The following DLC1 variants were observed in gnomAD, a reference collection of about 807,000 sequenced individuals.
The protein encoded by DLC1 is DLC1 Rho GTPase activating protein, also known as rho GTPase-activating protein 7.
A neutral mutation model predicts 140.3 loss-of-function variants in DLC1; 54 were observed. The observed-to-expected ratio is 0.38, with a 90% CI of 0.31 to 0.48. The LOEUF (loss-of-function observed/expected upper bound fraction) is 0.48, where lower values mean the gene tolerates loss of function less well. Ranked by LOEUF, DLC1 falls within the 20% of genes least tolerant of loss-of-function variation. The pLI is 0.96. For synonymous variants in DLC1, 986 were observed against 728.1 expected, an observed-to-expected ratio of 1.35 and a Z score of -5.70; for missense variants, 2,536 against 1,907.0, an observed-to-expected ratio of 1.33 and a Z score of -6.14.
At chr8:13,227,739 G>A (rs1245281601) in intron 5 of DLC1, among the ~76,000 whole-genome samples, 1 of 152,180 alleles carries the variant, frequency 6.6e-6, no homozygotes, top group Non-Finnish European at 1.5e-5. Flanking sequence ...GATTCCTGAT[G>A]TCATGTAATT....
intron 5 of DLC1, among the ~76,000 whole-genome samples, chr8:13,264,052 T>TTTTTTTTATTTA (rs1554484714): frequency 3.4e-4 from 48 of 143,094 alleles, no homozygotes; most frequent in Middle Eastern, 7.2e-3. Context: ...ATAAGAAGCT[T>TTTTTTTTATTTA]TTTATTTATT....
At chr8:13,132,876 T>C (rs1822233264) in intron 5 of DLC1, 1 of 1,538,472 alleles carries the variant, frequency 6.5e-7, no homozygotes, top group Admixed American at 2.0e-5. Context: ...TGACACTTTC[T>C]CGCGGCGGGT....
chr8:13,450,225 C>A (rs1798976697), intron 2 of DLC1, among the ~76,000 whole-genome samples: 1 of 151,666 alleles, frequency 6.6e-6, no homozygotes, highest in African/African-American at 2.4e-5. Context: ...GGGGCTGAGG[C>A]AGGTGGATCA....
chr8:13,406,601 T>C (rs1837573651), intron 2 of DLC1, among the ~76,000 whole-genome samples: 1 of 152,196 alleles, frequency 6.6e-6, no homozygotes, highest in Admixed American at 6.5e-5. Flanking sequence ...TCATCCTCAG[T>C]TCCTTTAATT....
chr8:13,446,836 G>C (rs1798796568), intron 2 of DLC1, among the ~76,000 whole-genome samples: 1 of 152,062 alleles, frequency 6.6e-6, no homozygotes, highest in African/African-American at 2.4e-5. Context: ...CAGCTACTTG[G>C]GAGGCTGAGG....
chr8:13,358,205 C>T (rs368984721), intron 4 of DLC1, among the ~76,000 whole-genome samples: 1 of 152,268 alleles, frequency 6.6e-6, no homozygotes, highest in East Asian at 1.9e-4. Context: ...TAACTAAAAC[C>T]AATTATATCA....
At chr8:13,182,732 T>C (rs1338315213) in intron 5 of DLC1, among the ~76,000 whole-genome samples, 13 of 152,196 alleles carry the variant, frequency 8.5e-5, no homozygotes, top group Non-Finnish European at 1.3e-4. Context: ...AGCCTTGTAG[T>C]ATAGTTTGAA....
At chr8:13,120,372 A>ATATATATATATAT (rs1820957772) in intron 5 of DLC1, among the ~76,000 whole-genome samples, 1 of 95,972 alleles carries the variant, frequency 1.0e-5, no homozygotes, top group Non-Finnish European at 2.5e-5. Flanking sequence ...TATATATATA[A>ATATATATATATAT]AATGTATATT....
chr8:13,331,364 G>A (rs1833581070), intron 4 of DLC1, among the ~76,000 whole-genome samples: 1 of 152,156 alleles, frequency 6.6e-6, no homozygotes, highest in East Asian at 1.9e-4. Flanking sequence ...TGGCTTAAAA[G>A]TATAGAGAAC....
intron 2 of DLC1, among the ~76,000 whole-genome samples, chr8:13,464,592 G>A (rs763836404): frequency 7.3e-5 from 11 of 151,096 alleles, no homozygotes; most frequent in East Asian, 1.9e-4. Context: ...TCCACCCCCC[G>A]CCACCATGGA....
At chr8:13,496,835 G>A (rs1364960266) in intron 2 of DLC1, among the ~76,000 whole-genome samples, 3 of 124,364 alleles carry the variant, frequency 2.4e-5, no homozygotes, top group Non-Finnish European at 4.7e-5. Context: ...GAGTTTCGCT[G>A]TGTCACCCAG....
chr8:13,339,277 G>A (rs1419836710), intron 4 of DLC1, among the ~76,000 whole-genome samples: 1 of 152,176 alleles, frequency 6.6e-6, no homozygotes, highest in African/African-American at 2.4e-5. Context: ...GGAGGACAAG[G>A]CACAATATGT....
At chr8:13,563,402 T>C (rs1804312337) in intron 1 of DLC1, among the ~76,000 whole-genome samples, 2 of 152,132 alleles carry the variant, frequency 1.3e-5, no homozygotes, top group Non-Finnish European at 2.9e-5. Flanking sequence ...CAAAAGAACA[T>C]TATATCCTAG....
At chr8:13,346,761 G>T (rs1356746807) in intron 4 of DLC1, among the ~76,000 whole-genome samples, 1 of 152,076 alleles carries the variant, frequency 6.6e-6, no homozygotes, top group African/African-American at 2.4e-5. Flanking sequence ...CCTGTTATTG[G>T]CTCTCTTGCT....
At chr8:13,438,924 A>G (rs565275862) in intron 2 of DLC1, among the ~76,000 whole-genome samples, 35 of 152,344 alleles carry the variant, frequency 2.3e-4, no homozygotes, top group Middle Eastern at 3.4e-3. Flanking sequence ...TTCGTGTGCC[A>G]TATGATCTCT....
chr8:13,311,847 G>C (rs565617148), intron 4 of DLC1, among the ~76,000 whole-genome samples: 1 of 152,226 alleles, frequency 6.6e-6, no homozygotes, highest in East Asian at 1.9e-4. Context: ...TTGGGATTCT[G>C]ACCTTGAAAA....
At chr8:13,115,136 G>A (rs867383284) in intron 6 of DLC1, among the ~76,000 whole-genome samples, 44 of 152,208 alleles carry the variant, frequency 2.9e-4, no homozygotes, top group African/African-American at 8.7e-4. Flanking sequence ...ACACAATGGT[G>A]TATTACACAG....
intron 1 of DLC1, among the ~76,000 whole-genome samples, chr8:13,572,330 C>G (rs1804689331): frequency 6.6e-6 from 1 of 152,000 alleles, no homozygotes; most frequent in Admixed American, 6.6e-5. Flanking sequence ...ACCTTGTGAT[C>G]CACCTGCCTT....
chr8:13,552,334 C>G (rs1803895770), intron 1 of DLC1, among the ~76,000 whole-genome samples: 1 of 149,646 alleles, frequency 6.7e-6, no homozygotes, highest in Non-Finnish European at 1.5e-5. Flanking sequence ...TTTATTGGAT[C>G]TGACTGATTG....
Sources: allele counts gnomAD v4.1 joint callset (sites outside exome capture counted in the v4.1 genomes callset), GRCh38; gene constraint gnomAD v4.1.1; transcripts MANE v1.5; gene names NCBI Gene and HGNC (gene_info 2026-07-23, HGNC 2026-07-21).